The following NCOA7 variants were observed in gnomAD, a reference collection of about 807,000 sequenced individuals.
The protein encoded by NCOA7 is 140 kDa estrogen receptor-associated protein.
Under a neutral mutation model 104.3 loss-of-function variants are expected in NCOA7, and 45 were observed. That is an observed-to-expected ratio of 0.43 (90% CI 0.34 to 0.55). The LOEUF (loss-of-function observed/expected upper bound fraction) is 0.55. Among genes scored for constraint, NCOA7 ranks in the 20% least tolerant of loss-of-function variants. The probability of loss-of-function intolerance (pLI) is 0.02; values close to 1 mark genes in which losing one functional copy is unlikely to be tolerated. For synonymous variants in NCOA7, 398 were observed against 402.3 expected, an observed-to-expected ratio of 0.99 and a Z score of 0.13; for missense variants, 1,041 against 1,119.7, an observed-to-expected ratio of 0.93 and a Z score of 1.00.
chr6:125,911,904 C>T (rs531899230), intron 10 of NCOA7, among the ~76,000 whole-genome samples: 1 of 152,170 alleles, frequency 6.6e-6, no homozygotes, highest in Non-Finnish European at 1.5e-5. Flanking sequence ...AGCATACCCT[C>T]TCCCCCACGT....
intron 3 of NCOA7, 69 bp downstream of exon 3, chr6:125,855,309 A>T: frequency 8.2e-7 from 1 of 1,219,926 alleles, no homozygotes; most frequent in South Asian, 1.3e-5. Context: ...AAAGACTATC[A>T]TTTGTGATTG....
At chr6:125,923,540 A>G (rs914735726) in intron 13 of NCOA7, among the ~76,000 whole-genome samples, 6 of 152,202 alleles carry the variant, frequency 3.9e-5, no homozygotes, top group African/African-American at 1.4e-4. Flanking sequence ...GCATCATGAA[A>G]GGAAGACATC....
intron 1 of NCOA7, among the ~76,000 whole-genome samples, chr6:125,783,814 T>C (rs979989152): frequency 4.6e-5 from 7 of 152,242 alleles, no homozygotes; most frequent in African/African-American, 1.4e-4. Flanking sequence ...AAGAGTAGCA[T>C]ACTCTACATG....
intron 10 of NCOA7, among the ~76,000 whole-genome samples, chr6:125,909,910 G>C (rs1382296734): frequency 6.6e-6 from 1 of 152,176 alleles, no homozygotes; most frequent in African/African-American, 2.4e-5. Flanking sequence ...ATGCTGTCAG[G>C]AAGTAGGGGT....
intron 2 of NCOA7, among the ~76,000 whole-genome samples, chr6:125,833,618 G>A (rs545065268): frequency 1.4e-5 from 2 of 146,360 alleles, no homozygotes; most frequent in East Asian, 2.2e-4. Flanking sequence ...GGGACAGGGG[G>A]AGGGAATAAA....
intron 11 of NCOA7, among the ~76,000 whole-genome samples, chr6:125,920,329 A>G (rs1199879416): frequency 2.0e-5 from 3 of 152,206 alleles, no homozygotes; most frequent in African/African-American, 7.2e-5. Context: ...CTTAAGAGAA[A>G]ACATCAGGAA....
At chr6:125,835,280 G>A (rs540579844) in intron 2 of NCOA7, among the ~76,000 whole-genome samples, 1 of 152,178 alleles carries the variant, frequency 6.6e-6, no homozygotes, top group East Asian at 1.9e-4. Context: ...ACATTTTTGT[G>A]TTGTTGGCAT....
At position 125,930,684 on chromosome 6, in the gene NCOA7, T is replaced by C. The variant is rs950233515; in HGVS notation, c.*1913T>C. ...ACAATTATTATACTCCTTAATTCCATGCAAATTTAAATGAATGCTATAAAA... is the reference window on the plus strand; with the variant it reads ...ACAATTATTATACTCCTTAATTCCACGCAAATTTAAATGAATGCTATAAAA... On this transcript the variant is annotated 3_prime_UTR_variant, in exon 16 of 16. Transcript: ENST00000392477. The C allele has an allele frequency of 1.6e-4, 24 of 152,316 alleles. No homozygotes were observed. Among genetic ancestry groups the C allele is most frequent in the African/African-American group, 5.3e-4 (22 of 41,450 alleles). The allele number at this position is 152,316 out of a possible 1,614,324, so 9.4% of individuals were successfully genotyped here.
chr6:125,896,563 G>A (rs1306867294), intron 10 of NCOA7, among the ~76,000 whole-genome samples: 1 of 152,092 alleles, frequency 6.6e-6, no homozygotes, highest in Non-Finnish European at 1.5e-5. Flanking sequence ...AGGCCAAGGT[G>A]GACAGATTGC....
chr6:125,907,945 G>A (rs1786179616), intron 10 of NCOA7, among the ~76,000 whole-genome samples: 1 of 152,174 alleles, frequency 6.6e-6, no homozygotes, highest in Non-Finnish European at 1.5e-5. Flanking sequence ...CCTCTATTGT[G>A]TGATATATTG....
intron 13 of NCOA7, among the ~76,000 whole-genome samples, chr6:125,925,773 C>T (rs1787969777): frequency 6.6e-6 from 1 of 152,106 alleles, no homozygotes; most frequent in Non-Finnish European, 1.5e-5. Context: ...TTCTGGGTTG[C>T]TCTTCATCTA....
intron 3 of NCOA7, among the ~76,000 whole-genome samples, chr6:125,874,116 G>A (rs1027965622): frequency 6.6e-6 from 1 of 152,200 alleles, no homozygotes; most frequent in Admixed American, 6.5e-5. Context: ...CCTGAGGTCA[G>A]GAGTTTGAGA....
upstream of NCOA7, among the ~76,000 whole-genome samples, chr6:125,788,577 C>T (rs1774580842): frequency 6.7e-6 from 1 of 150,186 alleles, no homozygotes; most frequent in African/African-American, 2.5e-5. Context: ...CGCTCTGTCA[C>T]CAGGCTGGAG....
intron 3 of NCOA7, among the ~76,000 whole-genome samples, chr6:125,859,833 G>T (rs1308061196): frequency 6.6e-6 from 1 of 152,120 alleles, no homozygotes; most frequent in Admixed American, 6.5e-5. Flanking sequence ...TAATCCTTGG[G>T]TAATAAGTCA....
chr6:125,796,375 CG>C (rs59014073), intron 1 of NCOA7, among the ~76,000 whole-genome samples: 137,211 of 137,212 alleles, frequency 1, 68,605 homozygotes, highest in Middle Eastern at 1. Flanking sequence ...CCCTCAGTAT[CG>C]TGCAGGGGAT....
chr6:125,787,609 T>G (rs576978610), upstream of NCOA7, among the ~76,000 whole-genome samples: 3 of 152,254 alleles, frequency 2.0e-5, no homozygotes, highest in Admixed American at 1.3e-4. Flanking sequence ...AAATGACAAA[T>G]CCACCTAAAT....
intron 12 of NCOA7, 74 bp downstream of exon 12, chr6:125,921,142 G>A: frequency 6.5e-7 from 1 of 1,546,824 alleles, no homozygotes; most frequent in African/African-American, 1.4e-5. Context: ...AGGTACAGTG[G>A]CTCATGCCTG....
chr6:125,856,489 A>G (rs1781565673), intron 3 of NCOA7, among the ~76,000 whole-genome samples: 1 of 152,002 alleles, frequency 6.6e-6, no homozygotes, highest in East Asian at 1.9e-4. Flanking sequence ...AGTAGCTGGG[A>G]CTAGAGGCAC....
At chr6:125,837,100 G>T (rs900878844) in intron 2 of NCOA7, among the ~76,000 whole-genome samples, 2 of 152,188 alleles carry the variant, frequency 1.3e-5, no homozygotes, top group Non-Finnish European at 2.9e-5. Context: ...CTCATTGTAT[G>T]TGTGTAAAGC....
Sources: gnomAD v4.1 joint callset for allele counts (sites outside exome capture counted in the v4.1 genomes callset) on GRCh38, gnomAD v4.1.1 for gene constraint, MANE v1.5 for transcripts, NCBI Gene and HGNC (gene_info 2026-07-23, HGNC 2026-07-21) for gene names.